FKBP5: variants seen among roughly 807,000 people sequenced by gnomAD.
The protein encoded by FKBP5 is peptidyl-prolyl cis-trans isomerase FKBP5.
In FKBP5, 23 loss-of-function variants were observed where a neutral mutation model predicts 50.5. The observed-to-expected ratio is 0.46, with a 90% CI of 0.33 to 0.65. The LOEUF (loss-of-function observed/expected upper bound fraction) is 0.65. Among genes scored for constraint, FKBP5 ranks in the 30% least tolerant of loss-of-function variants. The pLI is 0.02. For synonymous variants in FKBP5, 176 were observed against 190.6 expected (o/e 0.92, Z 0.63); for missense variants, 411 against 553.1 (o/e 0.74, Z 2.58).
chr6:35,661,423 A>C (rs7747647), intron 1 of FKBP5, among the ~76,000 whole-genome samples: 20,781 of 83,618 alleles, frequency 0.25, 8,776 homozygotes, highest in African/African-American at 0.56. Context: ...TATTAATACT[A>C]TATAACACTG....
chr6:35,670,958 A>G (rs1765370371), intron 1 of FKBP5, among the ~76,000 whole-genome samples: 1 of 152,146 alleles, frequency 6.6e-6, no homozygotes, highest in Non-Finnish European at 1.5e-5. Flanking sequence ...GTAAAAGCAA[A>G]GTATTAATGA....
intron 5 of FKBP5, among the ~76,000 whole-genome samples, chr6:35,618,197 C>T (rs781703865): frequency 6.6e-6 from 1 of 152,112 alleles, no homozygotes; most frequent in Non-Finnish European, 1.5e-5. Flanking sequence ...AATGAACAAA[C>T]ATATCAGGCA....
In FKBP5 at chr6:35,706,706, C is replaced by T. The variant is rs141728063; in HGVS notation, c.-20+13622G>A. Among the ~76,000 whole-genome samples the T allele has an allele frequency of 9.4e-3, 1,431 of 152,258 alleles. 21 individuals are homozygous for T. Among genetic ancestry groups the T allele is most frequent in the African/African-American group, 0.03 (1,265 of 41,556 alleles). ...CCACATACTCAATGACCTAATATTC[C>T]ACTTCCAGGAATTCATTCTATAGCT... On this transcript the variant is annotated intron_variant, in intron 2 of 11. Coordinates refer to the FKBP5 transcript ENST00000536438.
At chr6:35,641,027 A>G (rs956275771) in intron 2 of FKBP5, among the ~76,000 whole-genome samples, 3 of 152,202 alleles carry the variant, frequency 2.0e-5, no homozygotes, top group African/African-American at 7.2e-5. Context: ...CACCCAGGCT[A>G]GAATGCAGTG....
At chr6:35,589,128 A>ATTTTT (rs58812576) in intron 7 of FKBP5, among the ~76,000 whole-genome samples, 37 of 121,544 alleles carry the variant, frequency 3.0e-4, no homozygotes, top group African/African-American at 5.4e-4. Flanking sequence ...ATATATATAT[A>ATTTTT]TTTTTTTTTT....
chr6:35,723,582 C>G (rs1379283030), intron 1 of FKBP5, among the ~76,000 whole-genome samples: 1 of 152,198 alleles, frequency 6.6e-6, no homozygotes, highest in African/African-American at 2.4e-5. Flanking sequence ...TGGAGGTAAA[C>G]AGGACTCTCA....
At chr6:35,704,453 C>T (rs1037883130) in intron 2 of FKBP5, among the ~76,000 whole-genome samples, 1 of 152,124 alleles carries the variant, frequency 6.6e-6, no homozygotes, top group African/African-American at 2.4e-5. Context: ...AATGGTTTTC[C>T]ATCTTTATTG....
chr6:35,659,667 A>C (rs1228619252), intron 1 of FKBP5, among the ~76,000 whole-genome samples: 1 of 85,346 alleles, frequency 1.2e-5, no homozygotes, highest in Non-Finnish European at 2.7e-5. Flanking sequence ...GTATTACTAT[A>C]AAGTAATTCA....
chr6:35,629,186 C>T (rs1764082103), intron 3 of FKBP5, among the ~76,000 whole-genome samples: 1 of 152,154 alleles, frequency 6.6e-6, no homozygotes, highest in Admixed American at 6.5e-5. Context: ...CTCACTGCAG[C>T]CTGGACCTCC....
intron 1 of FKBP5, among the ~76,000 whole-genome samples, chr6:35,668,208 C>T (rs1053930350): frequency 5.3e-5 from 8 of 152,242 alleles, no homozygotes; most frequent in Non-Finnish European, 1.0e-4. Flanking sequence ...CAGCCCTTTA[C>T]GGTCTGGCCT....
At chr6:35,599,426 A>G (rs536044138) in intron 5 of FKBP5, among the ~76,000 whole-genome samples, 2 of 152,316 alleles carry the variant, frequency 1.3e-5, no homozygotes, top group African/African-American at 4.8e-5. Context: ...TGTAGACACT[A>G]GGGGCCGAAA....
At chr6:35,719,791 C>A (rs958626236) in intron 2 of FKBP5, among the ~76,000 whole-genome samples, 1 of 152,218 alleles carries the variant, frequency 6.6e-6, no homozygotes, top group Admixed American at 6.5e-5. Context: ...CAGTTCAACC[C>A]CAAGCTTGAC....
intron 6 of FKBP5, among the ~76,000 whole-genome samples, chr6:35,596,283 G>C (rs2150963716): frequency 6.6e-6 from 1 of 152,010 alleles, no homozygotes; most frequent in South Asian, 2.1e-4. Context: ...TGAACCCAGA[G>C]GTAGAGGTTG....
Position 35,684,448 on chromosome 6 carries a change from C to T in FKBP5, c.-20+4356G>A, listed in dbSNP as rs191333768. ...GTGCCTTGGCCTCCCAAAGTGCTGGCATTACAGGCGTGAGTCACTGCACCT... is the reference window on the plus strand; with the variant it reads ...GTGCCTTGGCCTCCCAAAGTGCTGGTATTACAGGCGTGAGTCACTGCACCT... On this transcript the variant is annotated intron_variant, in intron 1 of 10. Transcript: ENST00000357266. Among the ~76,000 whole-genome samples the T allele has an allele frequency of 9.1e-3, 1,383 of 152,118 alleles. 25 individuals carry two copies. The highest frequency in any genetic ancestry group is 0.031 in the African/African-American group (1,283 of 41,504).
chr6:35,725,897 A>C (rs1218214825), intron 1 of FKBP5, among the ~76,000 whole-genome samples: 1 of 152,108 alleles, frequency 6.6e-6, no homozygotes, highest in Non-Finnish European at 1.5e-5. Context: ...CTCCTCCCCC[A>C]CTTCTCCCAC....
chr6:35,579,984 G>A, intron 9 of FKBP5, 52 bp downstream of exon 9: 1 of 1,326,234 alleles, frequency 7.5e-7, no homozygotes, highest in Non-Finnish European at 1.0e-6. Flanking sequence ...GACAGAGATG[G>A]AGAAAAGATC....
chr6:35,663,384 G>A (rs547180967), intron 1 of FKBP5, among the ~76,000 whole-genome samples: 8 of 152,290 alleles, frequency 5.3e-5, no homozygotes, highest in African/African-American at 7.2e-5. Context: ...AGTAAAGTAC[G>A]TGAACATTAT....
At chr6:35,698,504 G>A (rs938462202) in intron 2 of FKBP5, among the ~76,000 whole-genome samples, 5 of 148,938 alleles carry the variant, frequency 3.4e-5, no homozygotes, top group African/African-American at 1.2e-4. Context: ...AAAATTAGCC[G>A]GGCTTGGTGG....
intron 2 of FKBP5, among the ~76,000 whole-genome samples, chr6:35,719,974 C>A (rs1766581648): frequency 1.3e-5 from 2 of 152,174 alleles, no homozygotes. Flanking sequence ...TAAAAATAAC[C>A]CCAGGCAGTG....
Sources: gnomAD v4.1 joint callset for allele counts (sites outside exome capture counted in the v4.1 genomes callset) on GRCh38, gnomAD v4.1.1 for gene constraint, MANE v1.5 for transcripts, NCBI Gene and HGNC (gene_info 2026-07-23, HGNC 2026-07-21) for gene names.